Variants in ZNF536 observed in about 807,000 individuals in gnomAD.
ZNF536 encodes zinc finger protein 536.
In ZNF536, 13 loss-of-function variants were observed where a neutral mutation model predicts 84.5. The observed-to-expected ratio is 0.15, with a 90% confidence interval of 0.10 to 0.24. The LOEUF is 0.24. Ranked by LOEUF, ZNF536 falls within the 10% of genes least tolerant of loss-of-function variation. The probability of loss-of-function intolerance (pLI) is 1.00; values close to 1 mark genes in which losing one functional copy is unlikely to be tolerated. For missense variants in ZNF536, 1,536 were observed against 1,747.5 expected (o/e 0.88, Z 2.16); for synonymous variants, 811 against 742.5 (o/e 1.09, Z -1.50).
At chr19:30,585,005 G>A (rs2047047624) in intron 1 of ZNF536, among the ~76,000 whole-genome samples, 1 of 151,994 alleles carries the variant, frequency 6.6e-6, no homozygotes, top group Non-Finnish European at 1.5e-5. Context: ...GCTGAGGTGG[G>A]AGGATTGCTT....
At chr19:30,423,752 G>A (rs1411824301) in intron 1 of ZNF536, among the ~76,000 whole-genome samples, 6 of 152,304 alleles carry the variant, frequency 3.9e-5, no homozygotes, top group South Asian at 2.1e-4. Flanking sequence ...GCTCCCTCCC[G>A]GGGGCTTCGG....
chr19:30,271,147 A>G (rs1246102019), intron 1 of ZNF536, among the ~76,000 whole-genome samples: 1 of 152,166 alleles, frequency 6.6e-6, no homozygotes, highest in African/African-American at 2.4e-5. Flanking sequence ...TGCAATAGGC[A>G]AAGAGGGGCT....
In ZNF536 at chr19:30,495,215, G is replaced by T. The variant is rs530835225; in HGVS notation, c.2171-39632G>T. Among the ~76,000 whole-genome samples, 16 of 152,292 alleles carry T rather than the reference G, an allele frequency of 1.1e-4. No homozygotes were observed. In the South Asian group the frequency reaches 2.5e-3, roughly 24 times the overall value. ...CCTCCTCATAGAAAGATGTGAGAAT[G>T]CAGTGAGATGTTGGCTATAAGGTAT... On this transcript the variant is annotated intron_variant, in intron 2 of 4. Transcript: ENST00000355537.
intron 3 of ZNF536, among the ~76,000 whole-genome samples, chr19:30,537,088 C>G (rs2045115438): frequency 1.3e-5 from 2 of 152,198 alleles, no homozygotes; most frequent in South Asian, 4.1e-4. Flanking sequence ...ACTGTGAACT[C>G]CTTGAGAGCA....
intron 1 of ZNF536, among the ~76,000 whole-genome samples, chr19:30,273,209 T>TTGTGTG (rs59032608): frequency 3.3e-5 from 5 of 150,330 alleles, no homozygotes; most frequent in African/African-American, 9.8e-5. Context: ...GCCATGCAGA[T>TTGTGTG]TGTGTGTGTG....
At chr19:30,523,826 CA>C (rs1221387596) in intron 2 of ZNF536, among the ~76,000 whole-genome samples, 8 of 152,184 alleles carry the variant, frequency 5.3e-5, no homozygotes, top group African/African-American at 1.9e-4. Context: ...CAAGTGTGGT[CA>C]ATGCCTCTCT....
At chr19:30,665,868 G>A (rs1342880021) in intron 1 of ZNF536, 1 of 152,548 alleles carries the variant, frequency 6.6e-6, no homozygotes, top group African/African-American at 2.4e-5. Context: ...AGAGGACTGA[G>A]AGGAAAGGAG....
intron 1 of ZNF536, among the ~76,000 whole-genome samples, chr19:30,424,118 A>G (rs925144609): frequency 3.9e-5 from 6 of 152,218 alleles, no homozygotes; most frequent in Admixed American, 6.5e-5. Context: ...TCTGGGCCAC[A>G]GGACCTGGAT....
At chr19:30,597,090 C>G (rs886906918) in intron 1 of ZNF536, among the ~76,000 whole-genome samples, 2 of 152,154 alleles carry the variant, frequency 1.3e-5, no homozygotes, top group African/African-American at 2.4e-5. Context: ...GCTAGGCTGA[C>G]CAGTCTAGGC....
chr19:30,707,688 CAGA>C lies in ZNF536; in HGVS notation c.170-3063_170-3061del, dbSNP rs562521657. Among the ~76,000 whole-genome samples, 1,004 of 152,246 alleles carry C rather than the reference CAGA, an allele frequency of 6.6e-3. 5 individuals carry two copies. Among genetic ancestry groups the C allele is most frequent in the Non-Finnish European group, 9.8e-3 (665 of 68,018 alleles). On this transcript the variant is annotated intron_variant, in intron 1 of 1. Transcript: ENST00000592773. ...CTTGTCTTAGGGACAACAGTAGAAA[CAGA>C]AGAAGCAGAAGCACTATCCAAAAAT...
intron 1 of ZNF536, among the ~76,000 whole-genome samples, chr19:30,679,812 T>A (rs541993423): frequency 5.9e-5 from 9 of 152,220 alleles, no homozygotes; most frequent in Non-Finnish European, 1.3e-4. Flanking sequence ...TCTGGAAAAT[T>A]GAGAGAAATT....
In ZNF536 at chr19:30,564,196, G is replaced by T. The variant is rs183024071; in HGVS notation, c.169+14682G>T. Among the ~76,000 whole-genome samples the T allele has an allele frequency of 1.2e-3, 176 of 152,312 alleles. 1 individual carries two copies. The highest frequency in any genetic ancestry group is 1.3e-3 in the Non-Finnish European group (90 of 68,022). ...ATAAAATTAAATGAAAGAGTCGGGTGTGTTGGCACATGCCTGTGCTCCCAG... is the reference window on the plus strand; with the variant it reads ...ATAAAATTAAATGAAAGAGTCGGGTTTGTTGGCACATGCCTGTGCTCCCAG... On this transcript the variant is annotated intron_variant, in intron 1 of 1. Coordinates refer to the ZNF536 transcript ENST00000592773.
intron 2 of ZNF536, among the ~76,000 whole-genome samples, chr19:30,343,401 T>C (rs959175960): frequency 6.6e-6 from 1 of 152,200 alleles, no homozygotes; most frequent in African/African-American, 2.4e-5. Context: ...CTCTTCATAA[T>C]ATGTATCACA....
chr19:30,708,442 C>G (rs781331611), intron 1 of ZNF536, among the ~76,000 whole-genome samples: 4 of 152,272 alleles, frequency 2.6e-5, no homozygotes, highest in South Asian at 2.1e-4. Flanking sequence ...CCTGATTATT[C>G]CTTTGGAGGC....
At chr19:30,329,942 A>G (rs1162480578) in intron 2 of ZNF536, among the ~76,000 whole-genome samples, 1 of 152,250 alleles carries the variant, frequency 6.6e-6, no homozygotes, top group Non-Finnish European at 1.5e-5. Context: ...ATTGAGCAGA[A>G]TGGACTAAAA....
intron 1 of ZNF536, among the ~76,000 whole-genome samples, chr19:30,283,253 A>G (rs1307315654): frequency 6.6e-6 from 1 of 152,220 alleles, no homozygotes; most frequent in Non-Finnish European, 1.5e-5. Context: ...ACATGGCAAA[A>G]CAAATGAGAA....
chr19:30,471,280 T>G (rs2144635102), intron 2 of ZNF536, among the ~76,000 whole-genome samples: 1 of 152,272 alleles, frequency 6.6e-6, no homozygotes, highest in Middle Eastern at 3.4e-3. Context: ...GCTGAGGTAG[T>G]GTCTGTCAGG....
rs1491249071 is a variant in ZNF536, at chr19:30,297,910, C to CT, written c.-120+13769_-120+13770insT. On this transcript the variant is annotated intron_variant, in intron 2 of 5. Coordinates refer to the ZNF536 transcript ENST00000585628. ...TTTTTTCTCAAGACGGAGTCCCCCC[C>CT]CCCTCTGTCGCCCAGGCTGGAGTGC... is the stretch of plus-strand genomic sequence containing the variant. Among the ~76,000 whole-genome samples, 11 of 136,666 alleles carry CT rather than the reference C, an allele frequency of 8.0e-5. 1 individual carries two copies. The highest frequency in any genetic ancestry group is 3.0e-4 in the African/African-American group (10 of 33,142). The allele number at this position is 136,666 out of a possible 152,430, so 89.7% of individuals were successfully genotyped here. A position where few individuals can be genotyped will look rare whatever the true frequency, so the allele number is the denominator to read the frequency against.
chr19:30,629,287 C>A (rs2147220685), intron 1 of ZNF536, among the ~76,000 whole-genome samples: 1 of 152,286 alleles, frequency 6.6e-6, no homozygotes, highest in African/African-American at 2.4e-5. Flanking sequence ...CAGGCTCGAC[C>A]TCCTCGGGTT....
Sources: allele counts gnomAD v4.1 joint callset (sites outside exome capture counted in the v4.1 genomes callset), GRCh38; gene constraint gnomAD v4.1.1; transcripts MANE v1.5; gene names NCBI Gene and HGNC (gene_info 2026-07-23, HGNC 2026-07-21).